SHISA7: variants seen among roughly 807,000 people sequenced by gnomAD.
SHISA7 encodes the protein protein shisa-7.
In SHISA7, 6 loss-of-function variants were observed where a neutral mutation model predicts 23.9. The ratio of observed to expected loss-of-function variants is 0.25; its 90% CI spans 0.14 to 0.50. The LOEUF (loss-of-function observed/expected upper bound fraction) is 0.50, where lower values mean the gene tolerates loss of function less well. Among genes scored for constraint, SHISA7 ranks in the 20% least tolerant of loss-of-function variants. The pLI, the probability that SHISA7 is intolerant of heterozygous loss-of-function variation, is 0.98. For missense variants in SHISA7, 671 were observed against 801.1 expected (o/e 0.84, Z 1.96); for synonymous variants, 386 against 398.3 (o/e 0.97, Z 0.37).
At position 55,428,989 on chromosome 19, in the gene SHISA7, A is replaced by G. The variant is rs1210558428; in HGVS notation, c.*4167T>C. ...CCTGTGTGTGTGTGCTTGTGTATGC[A>G]TGGGTTTGTGTGCATTTGCATTTGT... On this transcript the variant is annotated 3_prime_UTR_variant, in exon 4 of 4. Transcript: ENST00000376325. 2.0e-5 allele frequency: 3 copies of G among 152,282 alleles called. No homozygotes were observed. The highest frequency in any genetic ancestry group is 1.9e-4 in the East Asian group (1 of 5,194). The allele number at this position is 152,282 out of a possible 1,614,324, so 9.4% of individuals were successfully genotyped here. A position where few individuals can be genotyped will look rare whatever the true frequency, so the allele number is the denominator to read the frequency against.
intron 3 of SHISA7, among the ~76,000 whole-genome samples, chr19:55,434,653 GTGTGTGGT>G (rs1985343491): frequency 3.8e-5 from 2 of 52,408 alleles, no homozygotes; most frequent in Non-Finnish European, 4.4e-5. Context: ...TGTGTATGGT[GTGTGTGGT>G]GTGTGTGTAT....
At position 55,443,048 on chromosome 19, in the gene SHISA7, G is replaced by A. The variant is rs1985632786; in HGVS notation, c.-185C>T. Among the ~76,000 whole-genome samples the A allele has an allele frequency of 6.6e-6, 1 of 151,582 alleles. No individual in the cohort carries two copies. The highest frequency in any genetic ancestry group is 6.6e-5 in the Admixed American group (1 of 15,234). On this transcript the variant is annotated 5_prime_UTR_variant, in exon 1 of 4. Coordinates refer to ENST00000376325, the MANE Select transcript of SHISA7 (RefSeq NM_001145176.2). Reference sequence around the variant, plus strand: ...AGCAACAGGCGCCAGGAGGCAGGAAGGGCGGAGGGAGCTGAGCTGCGTGGG... The same window carrying A: ...AGCAACAGGCGCCAGGAGGCAGGAAAGGCGGAGGGAGCTGAGCTGCGTGGG...
chr19:55,442,166 AG>A (rs2123358717), intron 1 of SHISA7, 26 bp downstream of exon 1: 1 of 1,519,776 alleles, frequency 6.6e-7, no homozygotes, highest in Admixed American at 2.0e-5. Context: ...CCAGGCTCGC[AG>A]TCCTCCCGCC....
rs983398903 is a variant in SHISA7, at chr19:55,442,208, TCCCGGTGCG to T, written c.647_655del (p.Ala216_Arg218del). 9 of 1,533,112 alleles carry T rather than the reference TCCCGGTGCG, an allele frequency of 5.9e-6. No homozygotes were observed. In the East Asian group the frequency reaches 1.5e-4, roughly 25 times the overall value. The allele number at this position is 1,533,112 out of a possible 1,614,324, so 95.0% of individuals were successfully genotyped here. ...GCACACGCACCTGGGCACGTTGATA[TCCCGGTGCG>T]CCCGGGGCGCACGGGACGCCTTGCT... On this transcript the variant is annotated inframe_deletion, in exon 1 of 4. Coordinates refer to ENST00000376325, the MANE Select transcript of SHISA7 (RefSeq NM_001145176.2).
rs1985117620 is a variant in SHISA7 at position 55,429,501 on chromosome 19, C to T, written c.*3655G>A. ...AGGTGGATTTGGGTAACCCCCATTT[C>T]CTCAGTGTGGTGGGAACCAAGGGCC... On this transcript the variant is annotated 3_prime_UTR_variant, in exon 4 of 4. Coordinates refer to ENST00000376325, the MANE Select transcript of SHISA7 (RefSeq NM_001145176.2). The T allele has an allele frequency of 6.6e-6, 1 of 152,168 alleles. No individual in the cohort carries two copies. The highest frequency in any genetic ancestry group is 2.1e-4 in the South Asian group (1 of 4,830). 9.4% of individuals were successfully genotyped at this position (152,168 alleles called of 1,614,324 possible).
In SHISA7 at chr19:55,432,947, A is replaced by C; in HGVS notation, c.*209T>G. ...TCATGAGCCGGCCTCTTCCTCTGGG[A>C]TGACATCATGGGAAGGAGGCCTTGG... On this transcript the variant is annotated 3_prime_UTR_variant, in exon 4 of 4. Coordinates refer to ENST00000376325, the MANE Select transcript of SHISA7 (RefSeq NM_001145176.2). This position sits in a 1 kb window ranked among gnomAD's most constrained non-coding sequence, Gnocchi z 4.6. 1 of 595,882 alleles carries C rather than the reference A, an allele frequency of 1.7e-6. No individual in the cohort carries two copies. The highest frequency in any genetic ancestry group is 2.7e-6 in the Non-Finnish European group (1 of 364,058). 36.9% of individuals were successfully genotyped at this position (595,882 alleles called of 1,614,324 possible).
At chr19:55,437,200 A>G (rs1985483750) in intron 3 of SHISA7, among the ~76,000 whole-genome samples, 1 of 152,136 alleles carries the variant, frequency 6.6e-6, no homozygotes, top group Non-Finnish European at 1.5e-5. Flanking sequence ...CCACGAGGGG[A>G]GACTCTCTGA....
chr19:55,440,492 C>G, intron 2 of SHISA7, 119 bp downstream of exon 2: 3 of 955,654 alleles, frequency 3.1e-6, no homozygotes, highest in Non-Finnish European at 4.1e-6. Context: ...GCAAGGCGGG[C>G]GTAGGGGGTG....
In SHISA7 at chr19:55,438,552, C is replaced by A. The variant is rs552043871; in HGVS notation, c.827-798G>T. ...CTGCTCTTTTCCGCAGCCGGGCCCTCTTCCGCACCCAGTGTGGCGGCGTGG... is the reference window on the plus strand; with the variant it reads ...CTGCTCTTTTCCGCAGCCGGGCCCTATTCCGCACCCAGTGTGGCGGCGTGG... On this transcript the variant is annotated intron_variant, in intron 2 of 3. Coordinates refer to ENST00000376325, the MANE Select transcript of SHISA7 (RefSeq NM_001145176.2). The A allele has an allele frequency of 2.0e-5, 26 of 1,304,312 alleles. No individual in the cohort carries two copies. The African/African-American group carries it at 3.3e-4, about 17-fold the overall frequency. 80.8% of individuals were successfully genotyped at this position (1,304,312 alleles called of 1,614,324 possible).
In SHISA7 at chr19:55,442,441, C is replaced by T. The variant is rs1329290320; in HGVS notation, c.423G>A (p.Pro141=). 1.4e-6 allele frequency: 2 copies of T among 1,419,472 alleles called. No individual in the cohort carries two copies. The highest frequency in any genetic ancestry group is 1.4e-5 in the South Asian group (1 of 73,084). The allele number at this position is 1,419,472 out of a possible 1,614,324, so 87.9% of individuals were successfully genotyped here. The part of the protein sequence containing the change: ...YDTPRWATTP[P]PLAGGAGGAG... ...CGCCCCCGGCGCCCCCAGCTAGCGGCGGCGGCGTGGTGGCCCAGCGCGGCG... is the reference window on the plus strand; with the variant it reads ...CGCCCCCGGCGCCCCCAGCTAGCGGTGGCGGCGTGGTGGCCCAGCGCGGCG... The change falls in exon 1 of 4, where the codon CCG becomes CCA. Residue 141 remains proline (P), a synonymous_variant. Transcript: ENST00000376325.
In SHISA7 at chr19:55,442,464, G is replaced by T; in HGVS notation, c.400C>A (p.Pro134Thr). The change falls in exon 1 of 4, where the codon CCG becomes ACG. Residue 134 changes from proline (P) to threonine (T), a missense_variant. Pro to Thr is a conservative substitution (Grantham distance 38). Transcript: ENST00000376325. ...GGCGGCGGCGTGGTGGCCCAGCGCG[G>T]CGTGTCGTAGTTGGAGCAGGAGGCC... Reference protein sequence around the residue: ...AQASCSNYDTPRWATTPPPLA... With the variant: ...AQASCSNYDTTRWATTPPPLA... The T allele has an allele frequency of 6.9e-7, 1 of 1,445,234 alleles. No homozygotes were observed. The highest frequency in any genetic ancestry group is 9.1e-7 in the Non-Finnish European group (1 of 1,098,018). 89.5% of individuals were successfully genotyped at this position (1,445,234 alleles called of 1,614,324 possible). A position where few individuals can be genotyped will look rare whatever the true frequency, so the allele number is the denominator to read the frequency against.
chr19:55,438,554 T>C (rs1218041139), intron 2 of SHISA7: 1 of 1,304,294 alleles, frequency 7.7e-7, no homozygotes, highest in South Asian at 1.2e-5. Context: ...CGGGCCCTCT[T>C]CCGCACCCAG....
chr19:55,440,008 TATATC>T (rs1402579562), intron 2 of SHISA7, among the ~76,000 whole-genome samples: 1 of 150,274 alleles, frequency 6.7e-6, no homozygotes, highest in African/African-American at 2.4e-5. Context: ...TTAAATATGA[TATATC>T]ATATTTTAAA....
chr19:55,435,461 G>T (rs1401229057), intron 3 of SHISA7, among the ~76,000 whole-genome samples: 2 of 150,138 alleles, frequency 1.3e-5, no homozygotes, highest in African/African-American at 4.9e-5. Flanking sequence ...TAGTTTAAAA[G>T]AATCCATCAA....
intron 2 of SHISA7, chr19:55,438,460 C>A: frequency 9.3e-7 from 1 of 1,072,018 alleles, no homozygotes; most frequent in African/African-American, 1.6e-5. Flanking sequence ...TCACAGGGGT[C>A]TCACTCCTGC....
At chr19:55,434,828 T>G in intron 3 of SHISA7, among the ~76,000 whole-genome samples, 1 of 71,248 alleles carries the variant, frequency 1.4e-5, no homozygotes, top group African/African-American at 5.7e-5. Flanking sequence ...TGTATGTGTG[T>G]GTGGTGTGTG....
At chr19:55,436,295 CA>C (rs1011284886) in intron 3 of SHISA7, among the ~76,000 whole-genome samples, 1 of 149,760 alleles carries the variant, frequency 6.7e-6, no homozygotes, top group Non-Finnish European at 1.5e-5. Flanking sequence ...CTCAAAAAAA[CA>C]AAAAACAAAA....
chr19:55,437,477 C>T lies in SHISA7; in HGVS notation c.976+128G>A, dbSNP rs568025357. On this transcript the variant is annotated intron_variant, in intron 3 of 3. Coordinates refer to ENST00000376325, the MANE Select transcript of SHISA7 (RefSeq NM_001145176.2). Reference sequence around the variant, plus strand: ...GTACCACAGGTAATTCCAGAACGAACTTGGAGTAAAACCTGGGAGAGAAGC... The same window carrying T: ...GTACCACAGGTAATTCCAGAACGAATTTGGAGTAAAACCTGGGAGAGAAGC... 7.6e-4 allele frequency: 938 copies of T among 1,241,838 alleles called. 13 individuals are homozygous for T. In the South Asian group the frequency reaches 0.015, roughly 20 times the overall value. The allele number at this position is 1,241,838 out of a possible 1,614,324, so 76.9% of individuals were successfully genotyped here.
chr19:55,439,862 T>G (rs115921010), intron 2 of SHISA7, among the ~76,000 whole-genome samples: 1,530 of 151,654 alleles, frequency 0.01, 27 homozygotes, highest in African/African-American at 0.036. Flanking sequence ...CTCAAATACC[T>G]CCCCCTCGGA....
Sources: allele counts gnomAD v4.1 joint callset (sites outside exome capture counted in the v4.1 genomes callset), GRCh38; gene constraint gnomAD v4.1.1; non-coding constraint Gnocchi (gnomAD v3.1); transcripts MANE v1.5; gene names NCBI Gene and HGNC (gene_info 2026-07-23, HGNC 2026-07-21).